Variants in COLEC12 observed in about 807,000 individuals in gnomAD.
The protein encoded by COLEC12 is collectin-12.
A neutral mutation model predicts 71.1 loss-of-function variants in COLEC12; 33 were observed. That is an observed-to-expected ratio of 0.46 (90% CI 0.35 to 0.62). The LOEUF is 0.62. Ranked by LOEUF, COLEC12 falls within the 20% of genes least tolerant of loss-of-function variation. The pLI is 0.00. For missense variants in COLEC12, 765 were observed against 916.1 expected, an observed-to-expected ratio of 0.84 and a Z score of 2.13; for synonymous variants, 350 against 353.0, an observed-to-expected ratio of 0.99 and a Z score of 0.10.
intron 2 of COLEC12, among the ~76,000 whole-genome samples, chr18:439,151 A>C (rs115983197): frequency 0.022 from 3,421 of 152,272 alleles, 44 homozygotes; most frequent in Middle Eastern, 0.037. Context: ...ACTTCATCCC[A>C]TTGTTCCTTG....
rs201423550 is a variant in COLEC12, at chr18:334,983, G to T, written c.1575C>A (p.Asp525Glu). The T allele has an allele frequency of 6.4e-7, 1 of 1,563,044 alleles. No homozygotes were observed. Among genetic ancestry groups the T allele is most frequent in the Non-Finnish European group, 8.6e-7 (1 of 1,159,028 alleles). The change falls in exon 6 of 10, where the codon GAC becomes GAA. Residue 525 changes from aspartate (D) to glutamate (E), a missense_variant. Coordinates refer to ENST00000400256, the MANE Select transcript of COLEC12 (RefSeq NM_130386.3). ...GKPGPQGSSGDPGPPGPPGKE... is the reference protein window; with the variant it reads ...GKPGPQGSSGEPGPPGPPGKE... ...TGCCTGGTGGGCCCGGGGGGCCTGG[G>T]TCCCCACTGGAGCCCTGAGGGCCGG...
chr18:342,410 C>T (rs1394620547), intron 5 of COLEC12, among the ~76,000 whole-genome samples: 3 of 152,232 alleles, frequency 2.0e-5, no homozygotes, highest in Admixed American at 1.3e-4. Context: ...ATTCCTAATG[C>T]GGCAAATGTC....
intron 2 of COLEC12, among the ~76,000 whole-genome samples, chr18:462,719 G>A (rs751312534): frequency 3.3e-5 from 5 of 152,132 alleles, no homozygotes; most frequent in Non-Finnish European, 7.3e-5. Context: ...TAACGGAGGA[G>A]GACTCCCACC....
chr18:349,787 A>T (rs1449977804), intron 3 of COLEC12, among the ~76,000 whole-genome samples: 1 of 152,228 alleles, frequency 6.6e-6, no homozygotes, highest in Non-Finnish European at 1.5e-5. Context: ...GTGGAGCTTT[A>T]AAATTTGACT....
At position 440,982 on chromosome 18, in the gene COLEC12, C is replaced by G. The variant is rs368154701; in HGVS notation, c.58+39725G>C. Among the ~76,000 whole-genome samples the G allele has an allele frequency of 2.6e-3, 401 of 152,208 alleles. 2 individuals carry two copies. Among genetic ancestry groups the G allele is most frequent in the African/African-American group, 8.8e-3 (364 of 41,542 alleles). ...GGGCTATGCAGGCCGGGCGTGGTGG[C>G]TCACGCCTGTAATCCCAGCACTTTG... On this transcript the variant is annotated intron_variant, in intron 2 of 9. Transcript: ENST00000400256.
At chr18:421,114 G>GA (rs1265037488) in intron 2 of COLEC12, among the ~76,000 whole-genome samples, 1 of 152,164 alleles carries the variant, frequency 6.6e-6, no homozygotes, top group African/African-American at 2.4e-5. Context: ...CTACACATCT[G>GA]AAAACAAAAC....
At chr18:464,318 T>C (rs1268011587) in intron 2 of COLEC12, among the ~76,000 whole-genome samples, 2 of 152,228 alleles carry the variant, frequency 1.3e-5, no homozygotes, top group Non-Finnish European at 2.9e-5. Flanking sequence ...CGCGACAGTC[T>C]ATCACTTAAC....
chr18:434,132 G>A (rs911280580), intron 2 of COLEC12, among the ~76,000 whole-genome samples: 3 of 152,214 alleles, frequency 2.0e-5, no homozygotes, highest in African/African-American at 7.2e-5. Context: ...TGAGGTCATT[G>A]CTATTATTAC....
intron 2 of COLEC12, among the ~76,000 whole-genome samples, chr18:452,203 G>A (rs1019397719): frequency 1.3e-5 from 2 of 152,162 alleles, no homozygotes; most frequent in Admixed American, 6.5e-5. Flanking sequence ...AACTTGAATT[G>A]TGCACCTTGT....
chr18:358,965 T>C (rs887792000), intron 2 of COLEC12, among the ~76,000 whole-genome samples: 5 of 152,250 alleles, frequency 3.3e-5, no homozygotes, highest in Non-Finnish European at 7.3e-5. Flanking sequence ...CACATGACTG[T>C]AGTTTCAAAT....
At chr18:428,841 T>C (rs757757016) in intron 2 of COLEC12, among the ~76,000 whole-genome samples, 10 of 150,684 alleles carry the variant, frequency 6.6e-5, no homozygotes, top group African/African-American at 7.2e-5. Context: ...CAGGTCAAAA[T>C]AGACTTGCTC....
At chr18:381,641 T>C (rs530954943) in intron 2 of COLEC12, among the ~76,000 whole-genome samples, 1 of 152,356 alleles carries the variant, frequency 6.6e-6, no homozygotes, top group Admixed American at 6.5e-5. Flanking sequence ...AATAAATTCT[T>C]CTGAAATATT....
At chr18:458,962 G>A (rs2143729640) in intron 2 of COLEC12, among the ~76,000 whole-genome samples, 1 of 152,322 alleles carries the variant, frequency 6.6e-6, no homozygotes, top group East Asian at 1.9e-4. Context: ...AGCCTTTCAA[G>A]TAGCTGGGAC....
chr18:332,727 A>C (rs1467853602), intron 7 of COLEC12, among the ~76,000 whole-genome samples: 1 of 152,146 alleles, frequency 6.6e-6, no homozygotes, highest in East Asian at 1.9e-4. Context: ...GGCAGCCCTC[A>C]AGCTTCTCTG....
intron 2 of COLEC12, among the ~76,000 whole-genome samples, chr18:461,276 G>T (rs908841465): frequency 7.2e-6 from 1 of 139,212 alleles, no homozygotes; most frequent in Non-Finnish European, 1.6e-5. Flanking sequence ...CAGGTGAAAT[G>T]ATTTTTAATA....
intron 1 of COLEC12, among the ~76,000 whole-genome samples, chr18:493,687 C>T (rs7239273): frequency 0.36 from 55,295 of 152,016 alleles, 10,626 homozygotes; most frequent in African/African-American, 0.49. Context: ...AAGTTAATAC[C>T]AAATATTTGT....
At chr18:445,998 G>A (rs921112616) in intron 2 of COLEC12, among the ~76,000 whole-genome samples, 1 of 152,092 alleles carries the variant, frequency 6.6e-6, no homozygotes, top group Non-Finnish European at 1.5e-5. Context: ...ATCATAATAT[G>A]TGGCCTTTTG....
At chr18:420,218 A>G (rs1198340898) in intron 2 of COLEC12, among the ~76,000 whole-genome samples, 1 of 152,216 alleles carries the variant, frequency 6.6e-6, no homozygotes, top group Non-Finnish European at 1.5e-5. Context: ...GCCTTGTTTC[A>G]TGCAATAGAT....
At chr18:381,403 A>G (rs1915228958) in intron 2 of COLEC12, among the ~76,000 whole-genome samples, 2 of 152,236 alleles carry the variant, frequency 1.3e-5, no homozygotes, top group African/African-American at 2.4e-5. Context: ...TGATTTGATC[A>G]TTATACACTG....
Sources: allele counts gnomAD v4.1 joint callset (sites outside exome capture counted in the v4.1 genomes callset), GRCh38; gene constraint gnomAD v4.1.1; transcripts MANE v1.5; gene names NCBI Gene and HGNC (gene_info 2026-07-23, HGNC 2026-07-21).